The following PDE1C variants were observed in gnomAD, a reference collection of about 807,000 sequenced individuals.
PDE1C encodes the protein phosphodiesterase 1C.
PDE1C carries 62 observed loss-of-function variants against 93.1 expected under a neutral mutation model. The observed-to-expected ratio is 0.67, with a 90% CI of 0.54 to 0.82. The LOEUF (loss-of-function observed/expected upper bound fraction) is 0.82, where lower values mean the gene tolerates loss of function less well. Among genes scored for constraint, PDE1C ranks in the 40% least tolerant of loss-of-function variants. The pLI is 0.00. For missense variants in PDE1C, 742 were observed against 884.6 expected (o/e 0.84, Z 2.04); for synonymous variants, 325 against 310.1 (o/e 1.05, Z -0.50).
At chr7:31,998,695 C>T (rs919230989) in intron 2 of PDE1C, among the ~76,000 whole-genome samples, 1 of 152,120 alleles carries the variant, frequency 6.6e-6, no homozygotes, top group Non-Finnish European at 1.5e-5. Context: ...ATGATTTGAA[C>T]ATAACTAACA....
At chr7:32,388,678 T>TAAAAAAA (rs5883343) in intron 1 of PDE1C, among the ~76,000 whole-genome samples, 3 of 81,588 alleles carry the variant, frequency 3.7e-5, no homozygotes, top group African/African-American at 1.6e-4. Flanking sequence ...GTCCCATTTC[T>TAAAAAAA]AAAAAAAAAA....
intron 9 of PDE1C, among the ~76,000 whole-genome samples, chr7:31,840,654 T>C (rs1462062137): frequency 6.6e-6 from 1 of 152,182 alleles, no homozygotes; most frequent in Non-Finnish European, 1.5e-5. Flanking sequence ...AAAGTTATCT[T>C]TTCCCATTGT....
At chr7:32,316,858 A>G (rs888989814) in intron 1 of PDE1C, among the ~76,000 whole-genome samples, 4 of 152,250 alleles carry the variant, frequency 2.6e-5, no homozygotes, top group Admixed American at 2.6e-4. Flanking sequence ...TTGCACATGC[A>G]TTTGGAAACC....
At chr7:32,250,998 G>A (rs1329712395) in intron 1 of PDE1C, among the ~76,000 whole-genome samples, 3 of 152,210 alleles carry the variant, frequency 2.0e-5, no homozygotes, top group Admixed American at 1.3e-4. Context: ...ATTAAGTCAG[G>A]AGCTCTAGTG....
chr7:31,913,089 A>G (rs1313079683), intron 2 of PDE1C, among the ~76,000 whole-genome samples: 6 of 152,184 alleles, frequency 3.9e-5, no homozygotes, highest in African/African-American at 1.2e-4. Context: ...GATTCACCAT[A>G]TCAGTCTGAG....
At chr7:32,262,365 G>A (rs1399769429) in intron 1 of PDE1C, among the ~76,000 whole-genome samples, 1 of 152,046 alleles carries the variant, frequency 6.6e-6, no homozygotes, top group Non-Finnish European at 1.5e-5. Context: ...GAAGGAACAG[G>A]GGGTGCTGAT....
At chr7:32,387,531 G>T (rs1784655156) in intron 1 of PDE1C, among the ~76,000 whole-genome samples, 1 of 150,410 alleles carries the variant, frequency 6.6e-6, no homozygotes, top group Non-Finnish European at 1.5e-5. Flanking sequence ...CTCCCGGACG[G>T]GGCGGCTGGC....
At chr7:32,270,399 G>A (rs1397568160) in intron 1 of PDE1C, among the ~76,000 whole-genome samples, 1 of 151,506 alleles carries the variant, frequency 6.6e-6, no homozygotes, top group Non-Finnish European at 1.5e-5. Flanking sequence ...CTAGATGATT[G>A]TGTAAGAATA....
rs556291574 is a variant in PDE1C at position 31,848,005 on chromosome 7, T to C, written c.943A>G (p.Met315Val). ...AYRLLQDDEE[M>V]NILINLSKDD... Reference sequence around the variant, plus strand: ...TTTGAGAGGTTAATCAAAATATTCATTTCCTCGTCATCTTGCAGAAGGCGA... The same window carrying C: ...TTTGAGAGGTTAATCAAAATATTCACTTCCTCGTCATCTTGCAGAAGGCGA... The change falls in exon 9 of 18, where the codon ATG (methionine) becomes GTG (valine). Residue 315 changes from methionine (M) to valine (V), a missense_variant. Around this residue, in one of 4 missense-constraint regions of PDE1C, gnomAD observed 205 missense variants for 295.3 expected, o/e 0.69. Coordinates refer to ENST00000396191, the MANE Select transcript of PDE1C (RefSeq NM_001191057.4). 9.9e-6 allele frequency: 16 copies of C among 1,613,072 alleles called. No individual in the cohort carries two copies. In the South Asian group the frequency reaches 1.6e-4, roughly 17 times the overall value.
chr7:31,817,178 G>C (rs1788380975), intron 14 of PDE1C, among the ~76,000 whole-genome samples: 1 of 152,076 alleles, frequency 6.6e-6, no homozygotes. Flanking sequence ...TCAGCATAGG[G>C]GAGGGAAATT....
rs141280399 is a variant in PDE1C at position 32,025,280 on chromosome 7, C to T, written c.128+26274G>A. Among the ~76,000 whole-genome samples the T allele has an allele frequency of 3.9e-5, 6 of 152,170 alleles. No individual in the cohort carries two copies. The East Asian group carries it at 7.7e-4, about 20-fold the overall frequency. On this transcript the variant is annotated intron_variant, in intron 2 of 17. Coordinates refer to ENST00000396191, the MANE Select transcript of PDE1C (RefSeq NM_001191057.4). ...TTTGGCAGGCTCCAAAAAGGCAGTACAAGCGAGAGGTCCAACAGAGAGGTC... is the reference window on the plus strand; with the variant it reads ...TTTGGCAGGCTCCAAAAAGGCAGTATAAGCGAGAGGTCCAACAGAGAGGTC...
At chr7:31,750,718 T>TTTTTG (rs746558031), downstream of PDE1C, among the ~76,000 whole-genome samples, 26 of 152,340 alleles carry the variant, frequency 1.7e-4, no homozygotes, top group South Asian at 1.0e-3. Context: ...CCAATTGTTT[T>TTTTTG]TTTTGTTTTG....
chr7:32,123,328 C>G (rs1392274313), intron 3 of PDE1C, among the ~76,000 whole-genome samples: 5 of 151,920 alleles, frequency 3.3e-5, no homozygotes, highest in Non-Finnish European at 7.4e-5. Context: ...TTCCAAACAA[C>G]TAAAAGAAGA....
At chr7:31,895,473 C>T (rs1234513222) in intron 2 of PDE1C, among the ~76,000 whole-genome samples, 1 of 152,138 alleles carries the variant, frequency 6.6e-6, no homozygotes, top group Non-Finnish European at 1.5e-5. Flanking sequence ...ATAAAGAAAT[C>T]TCAAAGTCTA....
At chr7:32,302,714 A>G, upstream of PDE1C, among the ~76,000 whole-genome samples, 1 of 151,928 alleles carries the variant, frequency 6.6e-6, no homozygotes, top group East Asian at 1.9e-4. Context: ...ATAAGACAAC[A>G]TATATAGAAT....
At chr7:31,883,964 C>G (rs974200682) in intron 2 of PDE1C, among the ~76,000 whole-genome samples, 3 of 152,196 alleles carry the variant, frequency 2.0e-5, no homozygotes, top group African/African-American at 7.2e-5. Context: ...AAATAGAAAG[C>G]AAAACCCTAG....
At chr7:32,206,095 G>GCACAGAATTCATAATTCTGGA (rs1468587301) in intron 2 of PDE1C, among the ~76,000 whole-genome samples, 7 of 152,102 alleles carry the variant, frequency 4.6e-5, no homozygotes, top group Non-Finnish European at 8.8e-5. Context: ...GCTCAACGCG[G>GCACAGAATTCATAATTCTGGA]CACAGAATTC....
chr7:32,013,757 G>A (rs1446221886), intron 2 of PDE1C, among the ~76,000 whole-genome samples: 1 of 152,134 alleles, frequency 6.6e-6, no homozygotes, highest in Non-Finnish European at 1.5e-5. Flanking sequence ...TATTTATTGT[G>A]GCTAGCAGAT....
intron 5 of PDE1C, among the ~76,000 whole-genome samples, chr7:31,877,228 A>G (rs1796704998): frequency 6.6e-6 from 1 of 152,168 alleles, no homozygotes; most frequent in Non-Finnish European, 1.5e-5. Flanking sequence ...AAGTTTAGCA[A>G]ATCTCAAATA....
Sources: gnomAD v4.1 joint callset for allele counts (sites outside exome capture counted in the v4.1 genomes callset) on GRCh38, gnomAD v4.1.1 for gene constraint, gnomAD v4.1.1 regional missense constraint, MANE v1.5 for transcripts, NCBI Gene and HGNC (gene_info 2026-07-23, HGNC 2026-07-21) for gene names.